The following UPF2 variants were observed in gnomAD, a reference collection of about 807,000 sequenced individuals.
The protein encoded by UPF2 is regulator of nonsense transcripts 2.
A neutral mutation model predicts 141.4 loss-of-function variants in UPF2; 17 were observed. That is an observed-to-expected ratio of 0.12 (90% CI 0.08 to 0.18). The LOEUF (loss-of-function observed/expected upper bound fraction) is 0.18. UPF2 is among the 10% of genes least tolerant of loss of function. UPF2 has a pLI of 1.00. For missense variants in UPF2, 1,152 were observed against 1,515.9 expected, an observed-to-expected ratio of 0.76 and a Z score of 3.99; for synonymous variants, 540 against 498.0, an observed-to-expected ratio of 1.08 and a Z score of -1.12.
At chr10:11,986,099 T>C (rs1375751250) in intron 8 of UPF2, among the ~76,000 whole-genome samples, 2 of 151,798 alleles carry the variant, frequency 1.3e-5, no homozygotes, top group African/African-American at 2.4e-5. Context: ...ATAGCCAGGA[T>C]GGTCTCGATC....
chr10:11,932,604 G>C (rs1399876319), intron 19 of UPF2, among the ~76,000 whole-genome samples: 1 of 152,118 alleles, frequency 6.6e-6, no homozygotes, highest in Non-Finnish European at 1.5e-5. Context: ...GGGAAATGAA[G>C]AGACAAATTT....
chr10:12,013,277 A>AT (rs1215529268), intron 4 of UPF2, among the ~76,000 whole-genome samples: 6,710 of 137,718 alleles, frequency 0.049, 198 homozygotes, highest in Middle Eastern at 0.071. Context: ...CACCCCTAAA[A>AT]TTTTTTTTTT....
intron 12 of UPF2, among the ~76,000 whole-genome samples, chr10:11,957,048 G>A (rs1485265820): frequency 6.6e-6 from 1 of 152,130 alleles, no homozygotes; most frequent in Non-Finnish European, 1.5e-5. Flanking sequence ...CTCCAACGCC[G>A]ACGTCAAGTA....
intron 21 of UPF2, among the ~76,000 whole-genome samples, chr10:11,926,883 A>C (rs1478531370): frequency 6.6e-6 from 1 of 152,234 alleles, no homozygotes; most frequent in Non-Finnish European, 1.5e-5. Context: ...GAACTCTGCA[A>C]AGTGACTAAC....
intron 19 of UPF2, among the ~76,000 whole-genome samples, chr10:11,934,735 A>G (rs1423808014): frequency 2.0e-5 from 3 of 152,212 alleles, no homozygotes; most frequent in Middle Eastern, 3.4e-3. Flanking sequence ...GATTACAGGC[A>G]CACGCCACCA....
At chr10:11,945,725 T>C (rs1248253708) in intron 16 of UPF2, among the ~76,000 whole-genome samples, 2 of 152,180 alleles carry the variant, frequency 1.3e-5, no homozygotes. Flanking sequence ...ATATCAGAAC[T>C]CTTCAAATGA....
intron 2 of UPF2, among the ~76,000 whole-genome samples, chr10:12,033,812 G>C (rs902488527): frequency 8.5e-5 from 13 of 152,134 alleles, no homozygotes; most frequent in Non-Finnish European, 1.5e-4. Flanking sequence ...GCCTCCCAAA[G>C]GGCTGGGTTT....
chr10:11,946,650 A>G (rs1368106951), intron 16 of UPF2, among the ~76,000 whole-genome samples: 3 of 152,196 alleles, frequency 2.0e-5, no homozygotes, highest in Non-Finnish European at 2.9e-5. Flanking sequence ...CTAACTTTTT[A>G]AACTCTCGTT....
At chr10:11,983,993 G>C (rs112111050) in intron 8 of UPF2, among the ~76,000 whole-genome samples, 2 of 151,638 alleles carry the variant, frequency 1.3e-5, no homozygotes, top group South Asian at 4.2e-4. Flanking sequence ...GCGCGATCTC[G>C]GCTCACCACA....
intron 5 of UPF2, among the ~76,000 whole-genome samples, 157 bp from the exon 6 acceptor site, chr10:12,001,982 T>C (rs1029420848): frequency 1.3e-5 from 2 of 152,116 alleles, no homozygotes; most frequent in Non-Finnish European, 2.9e-5. Context: ...TAAAACACAT[T>C]ATGCTCGGCT....
intron 16 of UPF2, among the ~76,000 whole-genome samples, chr10:11,943,816 C>A (rs1400608105): frequency 6.6e-6 from 1 of 151,930 alleles, no homozygotes; most frequent in East Asian, 1.9e-4. Flanking sequence ...CTACTTCACC[C>A]CATCCTCACA....
chr10:11,995,177 G>A (rs1833846384), intron 8 of UPF2, among the ~76,000 whole-genome samples: 1 of 152,034 alleles, frequency 6.6e-6, no homozygotes, highest in African/African-American at 2.4e-5. Context: ...ACTTAAAGGT[G>A]AGTCAAAGAT....
chr10:12,026,476 G>A (rs927073206), intron 3 of UPF2, among the ~76,000 whole-genome samples: 1 of 151,996 alleles, frequency 6.6e-6, no homozygotes, highest in Non-Finnish European at 1.5e-5. Flanking sequence ...GAAACATCAC[G>A]GCAGTCTGAA....
At chr10:12,034,156 G>A (rs1474064879) in intron 2 of UPF2, among the ~76,000 whole-genome samples, 1 of 152,030 alleles carries the variant, frequency 6.6e-6, no homozygotes, top group Non-Finnish European at 1.5e-5. Context: ...TGTAAAATGA[G>A]GATCATAAAA....
intron 3 of UPF2, among the ~76,000 whole-genome samples, chr10:12,022,418 A>G (rs1834334455): frequency 1.4e-5 from 2 of 147,856 alleles, no homozygotes; most frequent in African/African-American, 4.9e-5. Flanking sequence ...CTCAAAAAAA[A>G]AAAAAAGAAA....
At chr10:12,023,465 G>C (rs1723090409) in intron 3 of UPF2, among the ~76,000 whole-genome samples, 2 of 143,774 alleles carry the variant, frequency 1.4e-5, no homozygotes, top group African/African-American at 5.2e-5. Flanking sequence ...ATGAGGTCAA[G>C]AGATCGAGAC....
At position 12,004,746 on chromosome 10, in the gene UPF2, CAAGT is replaced by C. The variant is rs140110509; in HGVS notation, c.1307-23_1307-20del. 0.019 allele frequency: 30,689 copies of C among 1,603,464 alleles called. 362 individuals carry two copies. Among genetic ancestry groups the C allele is most frequent in the Middle Eastern group, 0.031 (185 of 6,024 alleles). On this transcript the variant is annotated intron_variant, in intron 4 of 21. Transcript: ENST00000357604. ...CCATGTTCTACAATAAAATAAATCACAAGTAATTAACATAACTTGAGGTTATAGC... is the reference window on the plus strand; with the variant it reads ...CCATGTTCTACAATAAAATAAATCACAATTAACATAACTTGAGGTTATAGC...
In UPF2 at chr10:11,936,343, C is replaced by T. The variant is rs1454988922; in HGVS notation, c.3546+202G>A. On this transcript the variant is annotated intron_variant, in intron 19 of 21. Coordinates refer to ENST00000357604, the MANE Select transcript of UPF2 (RefSeq NM_015542.4). The surrounding 1 kb of genome is among the most constrained non-coding windows in gnomAD (Gnocchi z 6.6). ...CAAGACCCTGCCACTCCAGCCTGGG[C>T]GACAAAGTGAGACGCCGTCTCAAAA... Among the ~76,000 whole-genome samples the T allele has an allele frequency of 6.6e-6, 1 of 151,558 alleles. No homozygotes were observed. The highest frequency in any genetic ancestry group is 2.4e-5 in the African/African-American group (1 of 41,200).
intron 21 of UPF2, among the ~76,000 whole-genome samples, chr10:11,927,892 C>T (rs1236196297): frequency 1.3e-5 from 2 of 152,154 alleles, no homozygotes; most frequent in African/African-American, 4.8e-5. Flanking sequence ...CTGATGACTA[C>T]ATTTTCCCCC....
Sources: gnomAD v4.1 joint callset for allele counts (sites outside exome capture counted in the v4.1 genomes callset) on GRCh38, gnomAD v4.1.1 for gene constraint, Gnocchi (gnomAD v3.1) non-coding constraint, MANE v1.5 for transcripts, NCBI Gene and HGNC (gene_info 2026-07-23, HGNC 2026-07-21) for gene names.